TMEM68: variants seen among roughly 807,000 people sequenced by gnomAD.
The protein encoded by TMEM68 is DGAT1/2-independent enzyme synthesizing storage lipids.
In TMEM68, 25 loss-of-function variants were observed where a neutral mutation model predicts 36.9. The observed-to-expected ratio is 0.68, with a 90% confidence interval of 0.49 to 0.95. The LOEUF is 0.95. TMEM68 is among the 40% of genes least tolerant of loss of function. The pLI is 0.00. For missense variants in TMEM68, 333 were observed against 392.0 expected (o/e 0.85, Z 1.27); for synonymous variants, 131 against 124.4 (o/e 1.05, Z -0.35).
chr8:55,769,018 TAAAAAAAA>T (rs200493179), intron 1 of TMEM68, among the ~76,000 whole-genome samples: 2 of 82,094 alleles, frequency 2.4e-5, no homozygotes, highest in Non-Finnish European at 4.8e-5. Context: ...ACTCTGTCTT[TAAAAAAAA>T]AAAAAAAAAA....
At chr8:55,754,382 G>A (rs1337482336) in intron 4 of TMEM68, among the ~76,000 whole-genome samples, 1 of 145,974 alleles carries the variant, frequency 6.9e-6, no homozygotes, top group Non-Finnish European at 1.5e-5. Flanking sequence ...ATCAGAGGTT[G>A]CAATGAGCCG....
chr8:55,742,874 T>C (rs1236251299), intron 7 of TMEM68, among the ~76,000 whole-genome samples: 1 of 151,870 alleles, frequency 6.6e-6, no homozygotes, highest in Admixed American at 6.6e-5. Context: ...TTTCTCCTCT[T>C]TATCCTCCTT....
chr8:55,751,939 T>C (rs1005787477), intron 4 of TMEM68, among the ~76,000 whole-genome samples: 21 of 152,368 alleles, frequency 1.4e-4, no homozygotes, highest in African/African-American at 4.6e-4. Flanking sequence ...TCAGGCACGG[T>C]GGCTCACGCC....
intron 3 of TMEM68, among the ~76,000 whole-genome samples, chr8:55,759,652 A>C (rs1810722834): frequency 6.6e-6 from 1 of 152,162 alleles, no homozygotes; most frequent in Non-Finnish European, 1.5e-5. Flanking sequence ...CTGAATGTAA[A>C]ATAAAATACC....
In TMEM68 at chr8:55,756,560, TTC is replaced by T. The variant is rs1028021493; in HGVS notation, c.326-151_326-150del. 3.7e-5 allele frequency: 25 copies of T among 680,430 alleles called. No individual in the cohort carries two copies. The Admixed American group carries it at 4.9e-4, about 13-fold the overall frequency. 42.1% of individuals were successfully genotyped at this position (680,430 alleles called of 1,614,324 possible). On this transcript the variant is annotated intron_variant, in intron 3 of 7. Coordinates refer to ENST00000434581, the MANE Select transcript of TMEM68 (RefSeq NM_001286657.2). ...TCCCCCTTCTTCCCTCTCTTTCCTC[TTC>T]TCTTTCTTTCTTGAACAAATCAGTC...
intron 6 of TMEM68, among the ~76,000 whole-genome samples, chr8:55,744,199 A>C (rs1163033345): frequency 6.7e-6 from 1 of 150,368 alleles, no homozygotes; most frequent in Non-Finnish European, 1.5e-5. Flanking sequence ...ATTAGGAAAA[A>C]CACATCAAAG....
intron 3 of TMEM68, among the ~76,000 whole-genome samples, chr8:55,756,904 C>G (rs1277208295): frequency 1.3e-5 from 2 of 152,088 alleles, no homozygotes; most frequent in African/African-American, 4.8e-5. Context: ...TAGGGCATCA[C>G]AGCCTGAGCA....
chr8:55,758,793 G>A (rs1299003888), intron 3 of TMEM68, among the ~76,000 whole-genome samples: 5 of 152,114 alleles, frequency 3.3e-5, no homozygotes, highest in Admixed American at 3.3e-4. Flanking sequence ...GTGACAGTGC[G>A]AGACCCTGAC....
intron 4 of TMEM68, chr8:55,751,431 C>T: frequency 2.3e-6 from 1 of 427,120 alleles, no homozygotes; most frequent in Non-Finnish European, 4.3e-6. Flanking sequence ...AGAATAATAG[C>T]TTGCTCAAAG....
At chr8:55,754,834 A>G (rs1258650807) in intron 4 of TMEM68, among the ~76,000 whole-genome samples, 1 of 132,982 alleles carries the variant, frequency 7.5e-6, no homozygotes, top group Non-Finnish European at 1.5e-5. Context: ...AAATACATAT[A>G]TTATGTAATA....
Position 55,743,512 on chromosome 8 carries a change from G to A in TMEM68, c.857C>T (p.Pro286Leu). 21 of 1,535,162 alleles carry A rather than the reference G, an allele frequency of 1.4e-5. No homozygotes were observed. Among genetic ancestry groups the A allele is most frequent in the Non-Finnish European group, 1.7e-5 (20 of 1,146,426 alleles). The change falls in exon 7 of 8, where the codon CCA (proline) becomes CTA (leucine). Residue 286 changes from proline (P) to leucine (L), a missense_variant. Physicochemically the swap from Pro to Leu is moderately conservative, Grantham distance 98. Coordinates refer to ENST00000434581, the MANE Select transcript of TMEM68 (RefSeq NM_001286657.2). ...AGCTAATTCTTCCGCTGTTATCTGT[G>A]GGTCATACGGAATGGGGTCGCCTAA... is the stretch of plus-strand genomic sequence containing the variant. ...TYLGDPIPYD[P>L]QITAEELAEK...
chr8:55,754,692 T>C (rs1311790566), intron 4 of TMEM68, among the ~76,000 whole-genome samples: 1 of 129,630 alleles, frequency 7.7e-6, no homozygotes, highest in African/African-American at 3.0e-5. Flanking sequence ...ATATATTATA[T>C]ATGAAATACA....
chr8:55,765,398 C>T (rs1303581250), intron 1 of TMEM68, among the ~76,000 whole-genome samples: 1 of 152,196 alleles, frequency 6.6e-6, no homozygotes, highest in Admixed American at 6.6e-5. Context: ...TTATCTGATA[C>T]TGACAACACC....
chr8:55,754,834 ATTATG>A (rs1810547600), intron 4 of TMEM68, among the ~76,000 whole-genome samples: 1 of 132,980 alleles, frequency 7.5e-6, no homozygotes, highest in African/African-American at 2.8e-5. Context: ...AAATACATAT[ATTATG>A]TAATATATAT....
intron 4 of TMEM68, among the ~76,000 whole-genome samples, chr8:55,752,191 G>A (rs1810441880): frequency 6.6e-6 from 1 of 151,988 alleles, no homozygotes; most frequent in African/African-American, 2.4e-5. Flanking sequence ...CTGGGCAACA[G>A]AGCAAGACTC....
At chr8:55,758,555 C>G (rs888709740) in intron 3 of TMEM68, among the ~76,000 whole-genome samples, 1 of 152,184 alleles carries the variant, frequency 6.6e-6, no homozygotes, top group Non-Finnish European at 1.5e-5. Context: ...GCCTGTAATC[C>G]CAACACTTTG....
At chr8:55,770,028 T>C (rs1024498580) in intron 1 of TMEM68, among the ~76,000 whole-genome samples, 1 of 152,186 alleles carries the variant, frequency 6.6e-6, no homozygotes, top group African/African-American at 2.4e-5. Context: ...TGCCTTTCAG[T>C]AGATAAAATG....
At chr8:55,766,926 C>T (rs558848756) in intron 1 of TMEM68, among the ~76,000 whole-genome samples, 20 of 152,256 alleles carry the variant, frequency 1.3e-4, no homozygotes, top group African/African-American at 4.1e-4. Flanking sequence ...AATAAATTGA[C>T]GTAGAATCTG....
At chr8:55,763,699 ACT>A (rs1031892722) in intron 2 of TMEM68, 1 of 151,966 alleles carries the variant, frequency 6.6e-6, no homozygotes, top group African/African-American at 2.4e-5. Context: ...TATTGAGATA[ACT>A]CTGCACAAAA....
Sources: gnomAD v4.1 joint callset for allele counts (sites outside exome capture counted in the v4.1 genomes callset) on GRCh38, gnomAD v4.1.1 for gene constraint, MANE v1.5 for transcripts, NCBI Gene and HGNC (gene_info 2026-07-23, HGNC 2026-07-21) for gene names.